Variants in AUH observed in about 807,000 individuals in gnomAD.
AUH encodes the protein AU RNA binding methylglutaconyl-CoA hydratase.
A neutral mutation model predicts 42.3 loss-of-function variants in AUH; 29 were observed. The observed-to-expected ratio is 0.69, with a 90% CI of 0.51 to 0.93. The LOEUF is 0.93. Among genes scored for constraint, AUH ranks in the 40% least tolerant of loss-of-function variants. The pLI is 0.00. For synonymous variants in AUH, 174 were observed against 166.4 expected, an observed-to-expected ratio of 1.05 and a Z score of -0.35; for missense variants, 452 against 438.1, an observed-to-expected ratio of 1.03 and a Z score of -0.28.
chr9:91,215,959 G>A (rs1213065201), intron 9 of AUH, 100 bp downstream of exon 9: 16 of 1,276,720 alleles, frequency 1.3e-5, no homozygotes, highest in South Asian at 4.8e-5. Flanking sequence ...TGGAATGGGC[G>A]CAAGGGTAAT....
At chr9:91,271,359 A>G (rs1281831641) in intron 6 of AUH, among the ~76,000 whole-genome samples, 2 of 152,256 alleles carry the variant, frequency 1.3e-5, no homozygotes, top group Admixed American at 6.5e-5. Context: ...GTAAATTTCA[A>G]TCAAAGCTTG....
chr9:91,262,221 A>G (rs1401754931), intron 6 of AUH, among the ~76,000 whole-genome samples: 2 of 152,204 alleles, frequency 1.3e-5, no homozygotes, highest in African/African-American at 2.4e-5. Context: ...TTATACATCC[A>G]TTACTCGCCA....
chr9:91,241,813 A>G (rs910905874), intron 6 of AUH, among the ~76,000 whole-genome samples: 9 of 152,260 alleles, frequency 5.9e-5, no homozygotes, highest in African/African-American at 2.2e-4. Flanking sequence ...TTAAATGGTG[A>G]AAACAAATCA....
intron 6 of AUH, among the ~76,000 whole-genome samples, chr9:91,231,295 C>T (rs1044853008): frequency 2.6e-5 from 4 of 152,138 alleles, no homozygotes; most frequent in Admixed American, 6.5e-5. Flanking sequence ...GTATTCGGGT[C>T]GGGTGGGAGT....
At chr9:91,287,198 G>C (rs990087872) in intron 6 of AUH, among the ~76,000 whole-genome samples, 1 of 152,042 alleles carries the variant, frequency 6.6e-6, no homozygotes, top group African/African-American at 2.4e-5. Context: ...GCCCTGAGAA[G>C]AACACAAATT....
intron 3 of AUH, among the ~76,000 whole-genome samples, chr9:91,355,631 AG>A (rs968828930): frequency 2.6e-5 from 4 of 152,216 alleles, no homozygotes; most frequent in African/African-American, 9.6e-5. Flanking sequence ...CATGTACTAC[AG>A]GTACTACAAA....
chr9:91,313,597 T>C (rs1005298101), intron 4 of AUH, among the ~76,000 whole-genome samples: 1 of 148,720 alleles, frequency 6.7e-6, no homozygotes, highest in African/African-American at 2.5e-5. Flanking sequence ...CCCAGCTACT[T>C]GGGAGGCTGA....
Position 91,296,084 on chromosome 9 carries a change from C to T in AUH, c.599-7G>A, listed in dbSNP as rs371904675. ...CCCATTTTTGCAGAGGAAGCTAAAA[C>T]GAAAGAAAGAAAATTAAGTATCATC... On this transcript the variant is annotated splice_polypyrimidine_tract_variant and splice_region_variant and intron_variant, in intron 5 of 9. Transcript: ENST00000375731. 1.9e-5 allele frequency: 30 copies of T among 1,613,004 alleles called. No individual in the cohort carries two copies. The highest frequency in any genetic ancestry group is 1.1e-4 in the South Asian group (10 of 91,054).
intron 3 of AUH, 99 bp downstream of exon 3, chr9:91,355,784 A>G: frequency 9.7e-7 from 1 of 1,033,524 alleles, no homozygotes; most frequent in Non-Finnish European, 1.5e-6. Context: ...AGTTGTTGGT[A>G]ATGGGGTTCA....
Position 91,361,794 on chromosome 9 carries a change from C to G in AUH, c.96G>C (p.Pro32=). 1.3e-6 allele frequency: 2 copies of G among 1,538,922 alleles called. No homozygotes were observed. Among genetic ancestry groups the G allele is most frequent in the Middle Eastern group, 1.7e-4 (1 of 5,736 alleles). The change falls in exon 1 of 10, where the codon CCG becomes CCC. Residue 32 remains proline (P), a synonymous_variant. Transcript: ENST00000375731. ...LVAACSAWLC[P]GLRLPGSLAG... is the part of the protein sequence containing the mutation. ...CCAACGAGCCGGGCAGCCTCAACCCCGGGCAGAGCCACGCACTGCAAGCGG... is the reference window on the plus strand; with the variant it reads ...CCAACGAGCCGGGCAGCCTCAACCCGGGGCAGAGCCACGCACTGCAAGCGG...
At chr9:91,240,862 A>T (rs760922068) in intron 6 of AUH, among the ~76,000 whole-genome samples, 4 of 152,050 alleles carry the variant, frequency 2.6e-5, no homozygotes, top group Non-Finnish European at 5.9e-5. Flanking sequence ...TCATTTCAAC[A>T]TGCCCAATGT....
At chr9:91,221,665 T>C (rs1210951419) in intron 6 of AUH, among the ~76,000 whole-genome samples, 2 of 152,080 alleles carry the variant, frequency 1.3e-5, no homozygotes, top group African/African-American at 2.4e-5. Flanking sequence ...GGTTTTGACG[T>C]TGTCACTTAC....
intron 6 of AUH, among the ~76,000 whole-genome samples, chr9:91,269,820 C>T (rs1405762993): frequency 6.6e-6 from 1 of 152,148 alleles, no homozygotes; most frequent in South Asian, 2.1e-4. Flanking sequence ...GGGAAACGTT[C>T]CTAAAATTTT....
chr9:91,349,401 G>T (rs1194574586), intron 3 of AUH, among the ~76,000 whole-genome samples: 1 of 152,104 alleles, frequency 6.6e-6, no homozygotes, highest in Non-Finnish European at 1.5e-5. Flanking sequence ...CTCATTCTCA[G>T]TAATTTCTCA....
At chr9:91,326,208 T>C (rs1264501184) in intron 3 of AUH, among the ~76,000 whole-genome samples, 1 of 152,194 alleles carries the variant, frequency 6.6e-6, no homozygotes, top group Non-Finnish European at 1.5e-5. Flanking sequence ...CCCTTATTAG[T>C]CTATTACAAA....
At chr9:91,264,269 A>G (rs534803675) in intron 6 of AUH, among the ~76,000 whole-genome samples, 30 of 152,332 alleles carry the variant, frequency 2.0e-4, no homozygotes, top group East Asian at 7.7e-4. Flanking sequence ...TTAAGATTAA[A>G]TGGACCCACT....
At chr9:91,337,961 A>AG (rs980102655) in intron 3 of AUH, among the ~76,000 whole-genome samples, 3 of 152,202 alleles carry the variant, frequency 2.0e-5, no homozygotes, top group Non-Finnish European at 2.9e-5. Flanking sequence ...CTAGAGCACT[A>AG]GATCCTCAAT....
chr9:91,233,307 C>T (rs1019385550), intron 6 of AUH, among the ~76,000 whole-genome samples: 5 of 152,056 alleles, frequency 3.3e-5, no homozygotes, highest in African/African-American at 9.7e-5. Flanking sequence ...AGGAGGAACA[C>T]GAAGGGCACA....
chr9:91,339,379 T>A (rs1830934598), intron 3 of AUH, among the ~76,000 whole-genome samples: 1 of 152,176 alleles, frequency 6.6e-6, no homozygotes, highest in African/African-American at 2.4e-5. Context: ...ACCACAGTGG[T>A]ATGGATCAGC....
Sources: allele counts gnomAD v4.1 joint callset (sites outside exome capture counted in the v4.1 genomes callset), GRCh38; gene constraint gnomAD v4.1.1; transcripts MANE v1.5; gene names NCBI Gene and HGNC (gene_info 2026-07-23, HGNC 2026-07-21).